Variants in ATP2A3 observed in about 807,000 individuals in gnomAD.
ATP2A3 encodes sarcoplasmic/endoplasmic reticulum calcium ATPase 3.
In ATP2A3, 61 loss-of-function variants were observed where a neutral mutation model predicts 106.8. The observed-to-expected ratio is 0.57, with a 90% confidence interval of 0.46 to 0.71. The LOEUF (loss-of-function observed/expected upper bound fraction) is 0.71, where lower values mean the gene tolerates loss of function less well. Ranked by LOEUF, ATP2A3 falls within the 30% of genes least tolerant of loss-of-function variation. The pLI is 0.00. For synonymous variants in ATP2A3, 611 were observed against 609.3 expected, an observed-to-expected ratio of 1.00 and a Z score of -0.04; for missense variants, 1,201 against 1,423.5, an observed-to-expected ratio of 0.84 and a Z score of 2.52.
At chr17:3,938,832 C>T (rs890573964) in intron 14 of ATP2A3, among the ~76,000 whole-genome samples, 6 of 152,140 alleles carry the variant, frequency 3.9e-5, no homozygotes, top group Admixed American at 2.0e-4. Context: ...CCACCGTGCC[C>T]GGCCAAGACT....
Position 3,936,497 on chromosome 17 carries a change from C to A in ATP2A3, c.2322-28G>T. The stretch of plus-strand genomic sequence containing the variant: ...GGAACAGAGTCATGAGCTCTAGCCC[C>A]GGTAGGCCTAGCCCCCGGCAGATGC... On this transcript the variant is annotated intron_variant, in intron 15 of 20. Transcript: ENST00000397041. The surrounding 1 kb of genome is among the most constrained non-coding windows in gnomAD (Gnocchi z 5.4). The A allele has an allele frequency of 6.2e-7, 1 of 1,612,164 alleles. No individual in the cohort carries two copies. The highest frequency in any genetic ancestry group is 8.5e-7 in the Non-Finnish European group (1 of 1,179,218).
Position 3,955,361 on chromosome 17 carries a change from A to T in ATP2A3, c.119-1651T>A, listed in dbSNP as rs540742622. The stretch of plus-strand genomic sequence containing the variant: ...AGCTGAACCCTGGGGAGTATCAAGC[A>T]GCCCACTGGACTGTAGGAATCCAGG... On this transcript the variant is annotated intron_variant, in intron 1 of 20. Coordinates refer to ENST00000397041, the MANE Select transcript of ATP2A3 (RefSeq NM_005173.4). This position sits in a 1 kb window ranked among gnomAD's most constrained non-coding sequence, Gnocchi z 4.2. Among the ~76,000 whole-genome samples, 27 of 152,328 alleles carry T rather than the reference A, an allele frequency of 1.8e-4. No individual in the cohort carries two copies. The highest frequency in any genetic ancestry group is 1.2e-3 in the South Asian group (6 of 4,832).
intron 10 of ATP2A3, among the ~76,000 whole-genome samples, chr17:3,944,357 G>A (rs1207576591): frequency 6.6e-6 from 1 of 152,036 alleles, no homozygotes; most frequent in Admixed American, 6.5e-5. Context: ...GAATGCCTAA[G>A]TCGCAGGAGG....
At chr17:3,944,003 T>C (rs1318136277) in intron 10 of ATP2A3, among the ~76,000 whole-genome samples, 1 of 152,130 alleles carries the variant, frequency 6.6e-6, no homozygotes, top group Non-Finnish European at 1.5e-5. Context: ...TCCCTGTCTC[T>C]TTCACCTAAC....
intron 20 of ATP2A3, chr17:3,927,980 C>A (rs138187501): frequency 3.5e-5 from 56 of 1,613,862 alleles, no homozygotes; most frequent in Non-Finnish European, 4.7e-5. Flanking sequence ...CCGGAGCTCA[C>A]CCCTGCTTCC....
rs754214988 is a variant in ATP2A3, at chr17:3,936,230, G to A, written c.2524+37C>T. 8.7e-6 allele frequency: 14 copies of A among 1,611,142 alleles called. No homozygotes were observed. The East Asian group carries it at 2.5e-4, about 28-fold the overall frequency. On this transcript the variant is annotated intron_variant, in intron 16 of 20. Coordinates refer to ENST00000397041, the MANE Select transcript of ATP2A3 (RefSeq NM_005173.4). This position sits in a 1 kb window ranked among gnomAD's most constrained non-coding sequence, Gnocchi z 5.4. ...AAGCCTGATACAAGGCTCTTAGGAA[G>A]CTTAGGAATTCCACGGAGGGCTCAG...
In ATP2A3 at chr17:3,936,213, T is replaced by C; in HGVS notation, c.2524+54A>G. On this transcript the variant is annotated intron_variant, in intron 16 of 20. Coordinates refer to ENST00000397041, the MANE Select transcript of ATP2A3 (RefSeq NM_005173.4). The surrounding 1 kb of genome is among the most constrained non-coding windows in gnomAD (Gnocchi z 5.4). ...CACTGTCTGCAGCTTGCAAGCCTGA[T>C]ACAAGGCTCTTAGGAAGCTTAGGAA... is the stretch of plus-strand genomic sequence containing the variant. The C allele has an allele frequency of 1.9e-6, 3 of 1,604,334 alleles. No homozygotes were observed. Among genetic ancestry groups the C allele is most frequent in the Non-Finnish European group, 2.6e-6 (3 of 1,171,730 alleles).
chr17:3,947,912 C>A lies in ATP2A3; in HGVS notation c.631-57G>T. 1 of 1,541,078 alleles carries A rather than the reference C, an allele frequency of 6.5e-7. No individual in the cohort carries two copies. Among genetic ancestry groups the A allele is most frequent in the Non-Finnish European group, 8.8e-7 (1 of 1,130,792 alleles). On this transcript the variant is annotated intron_variant, in intron 7 of 20. Coordinates refer to ENST00000397041, the MANE Select transcript of ATP2A3 (RefSeq NM_005173.4). This position sits in a 1 kb window ranked among gnomAD's most constrained non-coding sequence, Gnocchi z 7.7. ...TCAGCAGCCAACCAGGGGCCCAGGA[C>A]CCCTGACTCCTTCAGGCCGGAATAA... is the stretch of plus-strand genomic sequence containing the variant.
Position 3,953,153 on chromosome 17 carries a change from G to A in ATP2A3, c.219+194C>T. ...TTGGAGGGGTCAGGTGGGAGCCGGG[G>A]ACCCAATGTAGGGGCCATGAGGGTT... On this transcript the variant is annotated intron_variant, in intron 3 of 20. Transcript: ENST00000397041. This position sits in a 1 kb window ranked among gnomAD's most constrained non-coding sequence, Gnocchi z 5.1. 1 of 646,844 alleles carries A rather than the reference G, an allele frequency of 1.5e-6. No homozygotes were observed. The allele number at this position is 646,844 out of a possible 1,614,324, so 40.1% of individuals were successfully genotyped here.
Position 3,929,373 on chromosome 17 carries a change from C to T in ATP2A3, c.2817G>A (p.Met939Ile), listed in dbSNP as rs779291710. The T allele has an allele frequency of 3.2e-6, 5 of 1,572,592 alleles. No individual in the cohort carries two copies. In the Admixed American group the frequency reaches 9.2e-5, roughly 29 times the overall value. ...MNPWLLVAVA[M>I]SMALHFLILL... is the part of the protein sequence containing the mutation. Reference sequence around the variant, plus strand: ...GGATGAGGAAGTGCAGGGCCATGGACATGGCCACAGCCACCAGCAGCCAGG... The same window carrying T: ...GGATGAGGAAGTGCAGGGCCATGGATATGGCCACAGCCACCAGCAGCCAGG... Residue 939 changes from methionine (M) to isoleucine (I), a missense_variant, in exon 19 of 21, where the codon ATG becomes ATA. Transcript: ENST00000397041. This position sits in a 1 kb window ranked among gnomAD's most constrained non-coding sequence, Gnocchi z 4.3.
Position 3,941,294 on chromosome 17 carries a change from A to G in ATP2A3, c.1777T>C (p.Phe593Leu). The change falls in exon 14 of 21, where the codon TTC (phenylalanine) becomes CTC (leucine). Residue 593 changes from phenylalanine (F) to leucine (L), a missense_variant. Phe to Leu is a conservative substitution (Grantham distance 22, BLOSUM62 0). Around this residue, in one of 2 missense-constraint regions of ATP2A3, gnomAD observed 935 missense variants for 1,176.7 expected, o/e 0.79. Transcript: ENST00000397041. Reference protein sequence around the residue: ...KFVQYETDLTFVGCVGMLDPP... With the variant: ...KFVQYETDLTLVGCVGMLDPP... Reference sequence around the variant, plus strand: ...TCCAGCATGCCTACGCAGCCCACGAAGGTCAGGTCCGTCTGTAGGGAGGGG... The same window carrying G: ...TCCAGCATGCCTACGCAGCCCACGAGGGTCAGGTCCGTCTGTAGGGAGGGG... The G allele has an allele frequency of 6.2e-7, 1 of 1,613,658 alleles. No homozygotes were observed.
rs2144706542 is a variant in ATP2A3 at position 3,955,420 on chromosome 17, G to C, written c.119-1710C>G. Among the ~76,000 whole-genome samples the C allele has an allele frequency of 6.6e-6, 1 of 152,306 alleles. No individual in the cohort carries two copies. The highest frequency in any genetic ancestry group is 2.1e-4 in the South Asian group (1 of 4,822). ...ATATAGCCTAAAAATACACTTTCTA[G>C]CATTTTCTCCAAAGTCCTATTTTCG... On this transcript the variant is annotated intron_variant, in intron 1 of 20. Coordinates refer to ENST00000397041, the MANE Select transcript of ATP2A3 (RefSeq NM_005173.4). The surrounding 1 kb of genome is among the most constrained non-coding windows in gnomAD (Gnocchi z 4.2).
At chr17:3,940,704 C>A (rs2144464783) in intron 14 of ATP2A3, among the ~76,000 whole-genome samples, 1 of 152,238 alleles carries the variant, frequency 6.6e-6, no homozygotes, top group South Asian at 2.1e-4. Context: ...GACGGGGTTT[C>A]CTCATATTGG....
At position 3,928,213 on chromosome 17, in the gene ATP2A3, C is replaced by T. The variant is rs2052824586; in HGVS notation, c.2980+450G>A. 12 of 1,613,246 alleles carry T rather than the reference C, an allele frequency of 7.4e-6. No homozygotes were observed. Among genetic ancestry groups the T allele is most frequent in the Non-Finnish European group, 1.0e-5 (12 of 1,179,624 alleles). On this transcript the variant is annotated intron_variant, in intron 20 of 20. Coordinates refer to ENST00000397041, the MANE Select transcript of ATP2A3 (RefSeq NM_005173.4). The surrounding 1 kb of genome is among the most constrained non-coding windows in gnomAD (Gnocchi z 6.1). ...AGAAACAACCCTCCCCTTGACCCAC[C>T]CACAAGGTGATACCAAAGAGGCCAA...
chr17:3,928,058 C>T lies in ATP2A3; in HGVS notation c.2980+605G>A, dbSNP rs1226719239. 4 of 1,614,012 alleles carry T rather than the reference C, an allele frequency of 2.5e-6. No homozygotes were observed. The highest frequency in any genetic ancestry group is 3.4e-6 in the Non-Finnish European group (4 of 1,179,976). On this transcript the variant is annotated intron_variant, in intron 20 of 20. Coordinates refer to ENST00000397041, the MANE Select transcript of ATP2A3 (RefSeq NM_005173.4). The surrounding 1 kb of genome is among the most constrained non-coding windows in gnomAD (Gnocchi z 6.1). The stretch of plus-strand genomic sequence containing the variant: ...CTGGCCCTTGGAAGTTCAGAATCAC[C>T]CACTCTCAGAGCCCACCTGGCAGAG...
rs1229742714 is a variant in ATP2A3 at position 3,935,192 on chromosome 17, C to T, written c.2610G>A (p.Leu870=). The T allele has an allele frequency of 6.2e-7, 1 of 1,613,958 alleles. No homozygotes were observed. Among genetic ancestry groups the T allele is most frequent in the African/African-American group, 1.3e-5 (1 of 74,948 alleles). The change falls in exon 17 of 21, where the codon CTG becomes CTA. Residue 870 remains leucine (L), a splice_region_variant and synonymous_variant. Transcript: ENST00000397041. ...GGCTCCCTGGCCAGCCCTTGCTCACCAGCTGGTAGAAGTTGATGTGAGGTC... is the reference window on the plus strand; with the variant it reads ...GGCTCCCTGGCCAGCCCTTGCTCACTAGCTGGTAGAAGTTGATGTGAGGTC... ...AEGPHINFYQ[L]RNFLKCSEDN... is the part of the protein sequence containing the mutation.
intron 7 of ATP2A3, among the ~76,000 whole-genome samples, chr17:3,948,910 C>T (rs538000193): frequency 6.6e-6 from 1 of 152,214 alleles, no homozygotes; most frequent in East Asian, 1.9e-4. Context: ...GGGCAGATCA[C>T]CTGAGGTCAG....
At chr17:3,954,452 C>T (rs2054642389) in intron 1 of ATP2A3, among the ~76,000 whole-genome samples, 1 of 146,298 alleles carries the variant, frequency 6.8e-6, no homozygotes, top group Non-Finnish European at 1.5e-5. Flanking sequence ...TGGTGAAGAA[C>T]ACTGTTTCCA....
At chr17:3,932,300 C>T (rs1158959138) in intron 17 of ATP2A3, among the ~76,000 whole-genome samples, 2 of 152,120 alleles carry the variant, frequency 1.3e-5, no homozygotes, top group African/African-American at 4.8e-5. Flanking sequence ...CCCGCCACCA[C>T]CCGTGGCTAA....
Sources: allele counts gnomAD v4.1 joint callset (sites outside exome capture counted in the v4.1 genomes callset), GRCh38; gene constraint gnomAD v4.1.1; regional missense constraint gnomAD v4.1.1; non-coding constraint Gnocchi (gnomAD v3.1); transcripts MANE v1.5; gene names NCBI Gene and HGNC (gene_info 2026-07-23, HGNC 2026-07-21).